The following NBEAL1 variants were observed in gnomAD, a reference collection of about 807,000 sequenced individuals.
NBEAL1 encodes neurobeachin-like protein 1.
NBEAL1 carries 273 observed loss-of-function variants against 351.3 expected under a neutral mutation model. The ratio of observed to expected loss-of-function variants is 0.78; its 90% CI spans 0.70 to 0.86. The LOEUF is 0.86. Among genes scored for constraint, NBEAL1 ranks in the 40% least tolerant of loss-of-function variants. The pLI is 0.00. For synonymous variants in NBEAL1, 1,050 were observed against 1,086.4 expected, an observed-to-expected ratio of 0.97 and a Z score of 0.66; for missense variants, 2,961 against 3,201.3, an observed-to-expected ratio of 0.92 and a Z score of 1.81.
rs1286305752 is a variant in NBEAL1, at chr2:203,202,723, T to C, written c.7448T>C (p.Ile2483Thr). ...VTCLATDYCG[I>T]HLISGSRDTT... ...TGCTTAGCTACAGATTACTGTGGAA[T>C]ACATTTGATTTCTGGTTCCAGAGAT... is the stretch of plus-strand genomic sequence containing the variant. Residue 2483 changes from isoleucine (I) to threonine (T), a missense_variant, in exon 51 of 56, where the codon ATA becomes ACA. Coordinates refer to ENST00000683969, the MANE Select transcript of NBEAL1 (RefSeq NM_001378026.1). 7 of 1,601,626 alleles carry C rather than the reference T, an allele frequency of 4.4e-6. No homozygotes were observed. In the Admixed American group the frequency reaches 1.0e-4, roughly 23 times the overall value.
At position 203,023,078 on chromosome 2, in the gene NBEAL1, C is replaced by A. The variant is rs912504047; in HGVS notation, c.51+6643C>A. On this transcript the variant is annotated intron_variant, in intron 2 of 55. Transcript: ENST00000683969. ...TTTTATTCAGTTAAAAGGCAAGTAT[C>A]TCTTTTTATACATAGATTTGGAAAA... Among the ~76,000 whole-genome samples the A allele has an allele frequency of 5.9e-5, 9 of 152,130 alleles. No homozygotes were observed. The South Asian group carries it at 1.0e-3, about 18-fold the overall frequency.
At chr2:203,089,765 T>C (rs1009546144) in intron 10 of NBEAL1, among the ~76,000 whole-genome samples, 1 of 152,220 alleles carries the variant, frequency 6.6e-6, no homozygotes, top group African/African-American at 2.4e-5. Flanking sequence ...TTAGTTCTTT[T>C]TGCAGAATCA....
intron 2 of NBEAL1, 49 bp from the exon 3 acceptor site, chr2:203,041,716 T>A (rs1559326160): frequency 7.7e-7 from 1 of 1,296,766 alleles, no homozygotes; most frequent in Non-Finnish European, 1.1e-6. Context: ...GAAGCATTTT[T>A]TTTTTCCTGA....
intron 8 of NBEAL1, among the ~76,000 whole-genome samples, chr2:203,078,617 G>T (rs563957670): frequency 1.3e-5 from 2 of 152,284 alleles, no homozygotes; most frequent in South Asian, 2.1e-4. Context: ...TGGAATTACG[G>T]GCGTGAGTCC....
chr2:203,169,177 A>G (rs1292671315), intron 38 of NBEAL1, among the ~76,000 whole-genome samples: 1 of 151,998 alleles, frequency 6.6e-6, no homozygotes, highest in East Asian at 1.9e-4. Flanking sequence ...AGCAAGTACA[A>G]TAGGGTAATT....
Position 203,145,082 on chromosome 2 carries a change from G to T in NBEAL1, c.5226G>T (p.Trp1742Cys), listed in dbSNP as rs1189548277. Residue 1742 changes from tryptophan (W) to cysteine (C), a missense_variant, in exon 33 of 56, where the codon TGG becomes TGT. By Grantham distance (215) the Trp-to-Cys change is radical. Coordinates refer to ENST00000683969, the MANE Select transcript of NBEAL1 (RefSeq NM_001378026.1). ...YDGHENMALY[W>C]KDCYEALMVN... ...GTCATGAGAACATGGCACTTTATTGGAAGGATTGTTATGAAGCTTTAATGG... is the reference window on the plus strand; with the variant it reads ...GTCATGAGAACATGGCACTTTATTGTAAGGATTGTTATGAAGCTTTAATGG... 5 of 1,613,230 alleles carry T rather than the reference G, an allele frequency of 3.1e-6. No homozygotes were observed. The highest frequency in any genetic ancestry group is 4.2e-6 in the Non-Finnish European group (5 of 1,179,690).
chr2:203,054,441 AT>A (rs1377299075), intron 4 of NBEAL1, among the ~76,000 whole-genome samples: 4 of 149,078 alleles, frequency 2.7e-5, no homozygotes, highest in South Asian at 2.1e-4. Context: ...AAAAAAAAAA[AT>A]TTTTTTTTTC....
At chr2:203,112,208 A>G in intron 16 of NBEAL1, 110 bp downstream of exon 16, 1 of 1,196,758 alleles carries the variant, frequency 8.4e-7, no homozygotes, top group Non-Finnish European at 1.1e-6. Flanking sequence ...CCCAGATTTT[A>G]AAGTGTTTTC....
chr2:203,041,909 C>G, intron 3 of NBEAL1, 53 bp downstream of exon 3: 1 of 1,184,586 alleles, frequency 8.4e-7, no homozygotes, highest in Non-Finnish European at 1.2e-6. Flanking sequence ...ATTTTTGGCA[C>G]AAAGATTTCA....
chr2:203,213,721 A>G (rs1248396506), intron 55 of NBEAL1, 68 bp downstream of exon 55: 42 of 1,594,034 alleles, frequency 2.6e-5, no homozygotes, highest in Non-Finnish European at 2.7e-5. Context: ...CCTTCATTCC[A>G]ACTGATTGAG....
Position 203,201,618 on chromosome 2 carries a change from T to G in NBEAL1, c.7314T>G (p.Asp2438Glu). The change falls in exon 50 of 56, where the codon GAT becomes GAG. Residue 2438 changes from aspartate to glutamate, a missense_variant. By Grantham distance (45) the Asp-to-Glu change is conservative. Coordinates refer to ENST00000683969, the MANE Select transcript of NBEAL1 (RefSeq NM_001378026.1). Reference protein sequence around the residue: ...ITSKLFVVSHDAKLLFSAGYW... With the variant: ...ITSKLFVVSHEAKLLFSAGYW... ...CTAAGCTATTTGTAGTATCACATGA[T>G]GCAAAGTTGCTCTTCAGTGCTGGAT... 1 of 1,612,862 alleles carries G rather than the reference T, an allele frequency of 6.2e-7. No homozygotes were observed. Among genetic ancestry groups the G allele is most frequent in the Admixed American group, 1.7e-5 (1 of 59,874 alleles).
At chr2:203,124,852 GAT>G (rs2062904131) in intron 19 of NBEAL1, among the ~76,000 whole-genome samples, 1 of 152,092 alleles carries the variant, frequency 6.6e-6, no homozygotes, top group Non-Finnish European at 1.5e-5. Context: ...CTTATCAAAA[GAT>G]ATAGAAAATA....
At chr2:203,016,975 T>C (rs2060691758) in intron 2 of NBEAL1, among the ~76,000 whole-genome samples, 1 of 152,214 alleles carries the variant, frequency 6.6e-6, no homozygotes, top group Non-Finnish European at 1.5e-5. Context: ...ATGGGAAAAC[T>C]GATGCAAGGG....
chr2:203,083,863 G>A (rs747142729), intron 9 of NBEAL1, among the ~76,000 whole-genome samples: 5 of 152,142 alleles, frequency 3.3e-5, no homozygotes, highest in Admixed American at 6.6e-5. Flanking sequence ...ATGGTAAAGA[G>A]TCACATACAG....
At position 203,219,302 on chromosome 2, in the gene NBEAL1, T is replaced by G. The variant is rs974137714; in HGVS notation, c.*1948T>G. 6.6e-6 allele frequency: 1 copy of G among 152,170 alleles called. No individual in the cohort carries two copies. The highest frequency in any genetic ancestry group is 2.4e-5 in the African/African-American group (1 of 41,442). The allele number at this position is 152,170 out of a possible 1,614,324, so 9.4% of individuals were successfully genotyped here. On this transcript the variant is annotated 3_prime_UTR_variant, in exon 56 of 56. Coordinates refer to ENST00000683969, the MANE Select transcript of NBEAL1 (RefSeq NM_001378026.1). ...CCAGAGATTTTGATGTAAAAATGCC[T>G]TCATTTTTAAGATTACTTAATACTG...
intron 42 of NBEAL1, among the ~76,000 whole-genome samples, chr2:203,178,451 G>C (rs1257968321): frequency 1.3e-5 from 2 of 152,106 alleles, no homozygotes; most frequent in African/African-American, 2.4e-5. Context: ...ACAGGCGTGA[G>C]CCACCTCACC....
intron 3 of NBEAL1, among the ~76,000 whole-genome samples, chr2:203,048,834 A>G (rs1335761261): frequency 6.6e-6 from 1 of 150,898 alleles, no homozygotes; most frequent in East Asian, 1.9e-4. Flanking sequence ...TTGATATATT[A>G]CTTTTTAAAG....
chr2:203,034,929 T>G (rs569208915), intron 2 of NBEAL1, among the ~76,000 whole-genome samples: 2 of 149,488 alleles, frequency 1.3e-5, no homozygotes, highest in South Asian at 4.2e-4. Context: ...AAAATTCAAT[T>G]CATATTTAAG....
chr2:203,071,878 A>G (rs914970494), intron 7 of NBEAL1, among the ~76,000 whole-genome samples: 1 of 152,238 alleles, frequency 6.6e-6, no homozygotes, highest in African/African-American at 2.4e-5. Flanking sequence ...TCTATTAGTC[A>G]TTAAAGCTTG....
Sources: allele counts gnomAD v4.1 joint callset (sites outside exome capture counted in the v4.1 genomes callset), GRCh38; gene constraint gnomAD v4.1.1; transcripts MANE v1.5; gene names NCBI Gene and HGNC (gene_info 2026-07-23, HGNC 2026-07-21).